HEMK2: variants seen among roughly 807,000 people sequenced by gnomAD.
HEMK2 encodes HemK methyltransferase 2, ETF1 glutamine and histone H4 lysine, also known as methyltransferase HEMK2.
chr21:28,757,190 T>C, the HEMK2 span, among the ~76,000 whole-genome samples: 1 of 151,958 alleles, frequency 6.6e-6, no homozygotes, highest in Non-Finnish European at 1.5e-5. Context: ...TCATCCATGC[T>C]TAATTCAGGT....
the HEMK2 span, among the ~76,000 whole-genome samples, chr21:28,655,043 A>G: frequency 5.3e-5 from 8 of 152,214 alleles, no homozygotes; most frequent in East Asian, 1.4e-3. Context: ...CTTTGAAAGC[A>G]AATATTTACC....
the HEMK2 span, among the ~76,000 whole-genome samples, chr21:28,770,551 G>A: frequency 3.9e-5 from 6 of 152,134 alleles, no homozygotes; most frequent in African/African-American, 4.8e-5. Context: ...GTGTTGGGAG[G>A]TGGGGCCTAA....
the HEMK2 span, among the ~76,000 whole-genome samples, chr21:28,650,303 G>A: frequency 6.6e-6 from 1 of 152,098 alleles, no homozygotes; most frequent in East Asian, 1.9e-4. Flanking sequence ...GCTGAGGCAG[G>A]AGAATCGTTT....
At chr21:28,869,439 T>C in the HEMK2 span, among the ~76,000 whole-genome samples, 127,448 of 152,036 alleles carry the variant, frequency 0.84, 53,881 homozygotes, top group South Asian at 0.93. Context: ...ATAACCCTTA[T>C]CTGGTTTTGT....
chr21:28,622,832 C>A, the HEMK2 span, among the ~76,000 whole-genome samples: 1 of 152,088 alleles, frequency 6.6e-6, no homozygotes, highest in Non-Finnish European at 1.5e-5. Context: ...CAAAAATTAA[C>A]TCAAGATGGA....
the HEMK2 span, among the ~76,000 whole-genome samples, chr21:28,699,040 C>T: frequency 1.3e-5 from 2 of 151,990 alleles, no homozygotes; most frequent in Admixed American, 6.6e-5. Flanking sequence ...GAAATGTTCA[C>T]CTCCTAATAT....
the HEMK2 span, among the ~76,000 whole-genome samples, chr21:28,877,061 AAGG>A: frequency 0.012 from 286 of 24,334 alleles, 12 homozygotes; most frequent in East Asian, 0.036. Context: ...GGAGGGAGGG[AAGG>A]AGGGAGGGAA....
At chr21:28,747,888 TAA>T in the HEMK2 span, among the ~76,000 whole-genome samples, 1 of 152,192 alleles carries the variant, frequency 6.6e-6, no homozygotes, top group Non-Finnish European at 1.5e-5. Flanking sequence ...AAAAGGAACA[TAA>T]CCAGAGAGAG....
At chr21:28,631,513 C>G in the HEMK2 span, among the ~76,000 whole-genome samples, 1 of 152,052 alleles carries the variant, frequency 6.6e-6, no homozygotes. Context: ...AGTAGAAACC[C>G]TGACAAAATT....
At chr21:28,581,628 T>C in the HEMK2 span, among the ~76,000 whole-genome samples, 1 of 152,212 alleles carries the variant, frequency 6.6e-6, no homozygotes, top group Non-Finnish European at 1.5e-5. Context: ...CAAGATGTGA[T>C]ATTCCCTAGG....
the HEMK2 span, among the ~76,000 whole-genome samples, chr21:28,798,359 A>ATC: frequency 6.6e-6 from 1 of 152,228 alleles, no homozygotes; most frequent in South Asian, 2.1e-4. Context: ...AATTTAATTG[A>ATC]TCTCTCTGTG....
the HEMK2 span, among the ~76,000 whole-genome samples, chr21:28,780,370 G>A: frequency 7.5e-5 from 11 of 146,000 alleles, no homozygotes; most frequent in Admixed American, 1.4e-4. Context: ...ATAGAGACGG[G>A]GTTTCACCGT....
chr21:28,807,502 G>C, the HEMK2 span, among the ~76,000 whole-genome samples: 1 of 152,292 alleles, frequency 6.6e-6, no homozygotes, highest in East Asian at 1.9e-4. Flanking sequence ...AGTCACCATA[G>C]GGACCTCAGT....
the HEMK2 span, among the ~76,000 whole-genome samples, chr21:28,687,087 G>C: frequency 6.6e-6 from 1 of 152,136 alleles, no homozygotes; most frequent in Admixed American, 6.6e-5. Flanking sequence ...TTCCACAGTG[G>C]GCCCCTCTCA....
chr21:28,724,823 C>T, the HEMK2 span, among the ~76,000 whole-genome samples: 1 of 152,206 alleles, frequency 6.6e-6, no homozygotes, highest in Non-Finnish European at 1.5e-5. Flanking sequence ...ACTCTGTCAC[C>T]CAGGCTGGAG....
chr21:28,679,356 T>C, the HEMK2 span, among the ~76,000 whole-genome samples: 2 of 152,170 alleles, frequency 1.3e-5, no homozygotes, highest in Non-Finnish European at 2.9e-5. Context: ...ATTCTAAATA[T>C]ATATGCATCC....
At chr21:28,849,653 G>A in the HEMK2 span, among the ~76,000 whole-genome samples, 4 of 151,956 alleles carry the variant, frequency 2.6e-5, no homozygotes, top group African/African-American at 4.8e-5. Context: ...GGTAAAACAC[G>A]AAATCGCCAT....
At chr21:28,788,607 C>G in the HEMK2 span, among the ~76,000 whole-genome samples, 3 of 151,504 alleles carry the variant, frequency 2.0e-5, no homozygotes, top group Non-Finnish European at 4.4e-5. Flanking sequence ...GAGCCAAAAT[C>G]TCACAAATCA....
the HEMK2 span, chr21:28,878,226 T>C: frequency 1.3e-6 from 2 of 1,598,836 alleles, no homozygotes; most frequent in East Asian, 2.2e-5. Context: ...CTAAATAGAA[T>C]AATCCTCTTG....
Sources: allele counts gnomAD v4.1 joint callset (sites outside exome capture counted in the v4.1 genomes callset), GRCh38; gene constraint gnomAD v4.1.1; transcripts MANE v1.5; gene names NCBI Gene and HGNC (gene_info 2026-07-23, HGNC 2026-07-21).